The following MECOM variants were observed in gnomAD, a reference collection of about 807,000 sequenced individuals.
MECOM encodes histone-lysine N-methyltransferase MECOM.
Under a neutral mutation model 116.3 loss-of-function variants are expected in MECOM, and 13 were observed. That is an observed-to-expected ratio of 0.11 (90% CI 0.07 to 0.18). The LOEUF (loss-of-function observed/expected upper bound fraction) is 0.18, where lower values mean the gene tolerates loss of function less well. MECOM is among the 10% of genes least tolerant of loss of function. The probability of loss-of-function intolerance (pLI) is 1.00; values close to 1 mark genes in which losing one functional copy is unlikely to be tolerated. For synonymous variants in MECOM, 528 were observed against 535.2 expected (o/e 0.99, Z 0.19); for missense variants, 1,299 against 1,509.0 (o/e 0.86, Z 2.31).
At chr3:169,498,464 C>A (rs1578269801) in intron 1 of MECOM, among the ~76,000 whole-genome samples, 1 of 152,222 alleles carries the variant, frequency 6.6e-6, no homozygotes, top group East Asian at 1.9e-4. Context: ...TCGGTTTATG[C>A]CCAAAGATGA....
At chr3:169,164,835 T>C (rs1298677005) in intron 2 of MECOM, among the ~76,000 whole-genome samples, 1 of 152,212 alleles carries the variant, frequency 6.6e-6, no homozygotes. Context: ...CTGTCCTTGC[T>C]ATTTGTTTCC....
At chr3:169,186,120 G>C (rs1366626274) in intron 2 of MECOM, among the ~76,000 whole-genome samples, 1 of 152,048 alleles carries the variant, frequency 6.6e-6, no homozygotes, top group Admixed American at 6.6e-5. Context: ...TGACAGCACT[G>C]TATCAGTTCA....
chr3:169,380,268 T>C (rs1057149266), intron 2 of MECOM, among the ~76,000 whole-genome samples: 3 of 152,158 alleles, frequency 2.0e-5, no homozygotes, highest in African/African-American at 7.2e-5. Context: ...CAATCACATC[T>C]CTAAAAAATA....
intron 1 of MECOM, among the ~76,000 whole-genome samples, chr3:169,511,658 A>G (rs1335801831): frequency 6.6e-6 from 1 of 151,924 alleles, no homozygotes; most frequent in East Asian, 1.9e-4. Flanking sequence ...CAGCTACTCA[A>G]CTTGGGAGGC....
At chr3:169,294,969 G>A (rs73034969) in intron 2 of MECOM, among the ~76,000 whole-genome samples, 5,400 of 151,728 alleles carry the variant, frequency 0.036, 255 homozygotes, top group African/African-American at 0.11. Context: ...ATGCTTTCTC[G>A]GTCTTTCTTC....
At chr3:169,285,601 G>A (rs902660541) in intron 2 of MECOM, among the ~76,000 whole-genome samples, 1 of 152,116 alleles carries the variant, frequency 6.6e-6, no homozygotes. Context: ...GCCAGCTTGG[G>A]GAAAAGGTGA....
At chr3:169,271,530 G>T (rs570268026) in intron 2 of MECOM, among the ~76,000 whole-genome samples, 1 of 152,102 alleles carries the variant, frequency 6.6e-6, no homozygotes, top group African/African-American at 2.4e-5. Flanking sequence ...TTTTCCTCAT[G>T]TTCTCACTCA....
At chr3:169,641,025 C>T (rs1258773670) in intron 1 of MECOM, among the ~76,000 whole-genome samples, 2 of 152,186 alleles carry the variant, frequency 1.3e-5, no homozygotes, top group Non-Finnish European at 2.9e-5. Flanking sequence ...TCTCCATAGG[C>T]AGGAAGAGGC....
chr3:169,252,632 T>C (rs912488439), intron 2 of MECOM, among the ~76,000 whole-genome samples: 10 of 152,104 alleles, frequency 6.6e-5, no homozygotes, highest in Non-Finnish European at 1.2e-4. Context: ...TTAGTAAAAG[T>C]CTACACTTTT....
intron 1 of MECOM, among the ~76,000 whole-genome samples, chr3:169,608,118 C>T (rs1490275699): frequency 6.6e-6 from 1 of 152,198 alleles, no homozygotes; most frequent in African/African-American, 2.4e-5. Flanking sequence ...CAAGTGCCTA[C>T]ACAAGTAATG....
At chr3:169,587,880 T>A (rs1176832376) in intron 1 of MECOM, among the ~76,000 whole-genome samples, 1 of 151,948 alleles carries the variant, frequency 6.6e-6, no homozygotes, top group Non-Finnish European at 1.5e-5. Flanking sequence ...AAAAAAAAAA[T>A]ACCAAATTTA....
intron 2 of MECOM, among the ~76,000 whole-genome samples, chr3:169,245,612 C>A (rs1014484652): frequency 6.6e-6 from 1 of 152,062 alleles, no homozygotes; most frequent in African/African-American, 2.4e-5. Flanking sequence ...GACTTTTAGA[C>A]CCTAGTGGAG....
At chr3:169,373,797 T>C (rs924764786) in intron 2 of MECOM, among the ~76,000 whole-genome samples, 3 of 151,948 alleles carry the variant, frequency 2.0e-5, no homozygotes, top group African/African-American at 7.2e-5. Flanking sequence ...GAATTCCAGG[T>C]TCTAGATTTG....
At chr3:169,278,678 C>A (rs1377975461) in intron 2 of MECOM, among the ~76,000 whole-genome samples, 1 of 152,162 alleles carries the variant, frequency 6.6e-6, no homozygotes, top group Admixed American at 6.6e-5. Context: ...GAATGACAGA[C>A]AACAACATAA....
At chr3:169,205,451 C>T (rs1348857677) in intron 2 of MECOM, among the ~76,000 whole-genome samples, 1 of 152,170 alleles carries the variant, frequency 6.6e-6, no homozygotes, top group African/African-American at 2.4e-5. Flanking sequence ...GATTTATAGG[C>T]CACACCGTAC....
At chr3:169,252,097 T>A (rs766689193) in intron 2 of MECOM, among the ~76,000 whole-genome samples, 7 of 152,270 alleles carry the variant, frequency 4.6e-5, no homozygotes, top group Non-Finnish European at 8.8e-5. Flanking sequence ...ATCATAAATG[T>A]ACAAAAAATT....
chr3:169,346,922 T>A (rs1022449358), intron 2 of MECOM, among the ~76,000 whole-genome samples: 1 of 152,008 alleles, frequency 6.6e-6, no homozygotes, highest in African/African-American at 2.4e-5. Flanking sequence ...TTGGCATTGT[T>A]TGCAATAGCA....
intron 1 of MECOM, among the ~76,000 whole-genome samples, chr3:169,601,341 T>C (rs974835123): frequency 2.6e-5 from 4 of 152,224 alleles, no homozygotes; most frequent in Non-Finnish European, 4.4e-5. Context: ...TTCTGCCGAA[T>C]ATGAAAACTA....
chr3:169,369,544 C>A (rs2149840409), intron 2 of MECOM, among the ~76,000 whole-genome samples: 1 of 151,630 alleles, frequency 6.6e-6, no homozygotes, highest in South Asian at 2.1e-4. Context: ...AAAATGGGGT[C>A]TCACTATGTT....
Sources: allele counts gnomAD v4.1 joint callset (sites outside exome capture counted in the v4.1 genomes callset), GRCh38; gene constraint gnomAD v4.1.1; transcripts MANE v1.5; gene names NCBI Gene and HGNC (gene_info 2026-07-23, HGNC 2026-07-21).